L3MBTL4: variants seen among roughly 807,000 people sequenced by gnomAD.
L3MBTL4 encodes the protein lethal(3)malignant brain tumor-like protein 4.
A neutral mutation model predicts 84.5 loss-of-function variants in L3MBTL4; 70 were observed. That is an observed-to-expected ratio of 0.83 (90% CI 0.68 to 1.01). The LOEUF (loss-of-function observed/expected upper bound fraction) is 1.01, where lower values mean the gene tolerates loss of function less well. Among genes scored for constraint, L3MBTL4 ranks in the 50% least tolerant of loss-of-function variants. L3MBTL4 has a pLI of 0.00. For missense variants in L3MBTL4, 715 were observed against 754.8 expected (o/e 0.95, Z 0.62); for synonymous variants, 274 against 259.8 (o/e 1.05, Z -0.52).
intron 1 of L3MBTL4, chr18:6,399,814 AT>A (rs2055437947): frequency 6.6e-6 from 1 of 152,214 alleles, no homozygotes; most frequent in South Asian, 2.1e-4. Context: ...TTCCCAAACC[AT>A]TTCTTCTATT....
intron 5 of L3MBTL4, among the ~76,000 whole-genome samples, chr18:6,254,438 C>A (rs1393041697): frequency 8.5e-6 from 1 of 118,154 alleles, no homozygotes; most frequent in Non-Finnish European, 1.7e-5. Context: ...TTTTTTTTGC[C>A]ATCTATTTGT....
Position 6,269,387 on chromosome 18 carries a change from GGA to G in L3MBTL4, c.128-5351_128-5350del, listed in dbSNP as rs573600684. On this transcript the variant is annotated intron_variant, in intron 4 of 18. Transcript: ENST00000317931. ...CAGGAGAATGGCGTGAACCCGGGAA[GGA>G]GAGTGTACAGTGAGCCAAGATCGCA... Among the ~76,000 whole-genome samples, 99 of 152,250 alleles carry G rather than the reference GGA, an allele frequency of 6.5e-4. No homozygotes were observed. In the South Asian group the frequency reaches 6.6e-3, roughly 10 times the overall value.
In L3MBTL4 at chr18:6,131,424, A is replaced by G. The variant is rs144180874; in HGVS notation, c.1199+6770T>C. On this transcript the variant is annotated intron_variant, in intron 14 of 18. Transcript: ENST00000317931. ...TTTATTCTTCTTTTTCTTAAATATA[A>G]GAATATTTGTCTGAGAATCTTCTGG... is the stretch of plus-strand genomic sequence containing the variant. 5.0e-3 allele frequency among the ~76,000 whole-genome samples: 756 copies of G among 152,276 alleles called. 8 individuals carry two copies. Among genetic ancestry groups the G allele is most frequent in the African/African-American group, 0.017 (716 of 41,556 alleles).
At chr18:6,247,205 GTTA>G (rs1180934861) in intron 5 of L3MBTL4, among the ~76,000 whole-genome samples, 1 of 151,986 alleles carries the variant, frequency 6.6e-6, no homozygotes, top group African/African-American at 2.4e-5. Flanking sequence ...CCATAACTCA[GTTA>G]TTAACTGTAA....
chr18:6,278,491 A>G (rs2049183368), intron 4 of L3MBTL4, among the ~76,000 whole-genome samples: 1 of 152,172 alleles, frequency 6.6e-6, no homozygotes, highest in African/African-American at 2.4e-5. Flanking sequence ...GCTGGATTAT[A>G]TTTGCCAATA....
At chr18:6,190,216 A>G (rs536739365) in intron 12 of L3MBTL4, among the ~76,000 whole-genome samples, 1 of 152,336 alleles carries the variant, frequency 6.6e-6, no homozygotes, top group East Asian at 1.9e-4. Context: ...TCCATTAATA[A>G]GAACAGGCAA....
chr18:6,053,613 C>G (rs908261929), intron 16 of L3MBTL4, among the ~76,000 whole-genome samples: 2 of 152,190 alleles, frequency 1.3e-5, no homozygotes, highest in African/African-American at 4.8e-5. Flanking sequence ...TACTTGTAGC[C>G]AAGGATAGTT....
intron 16 of L3MBTL4, among the ~76,000 whole-genome samples, chr18:6,017,458 A>G (rs1414502401): frequency 6.6e-6 from 1 of 152,270 alleles, no homozygotes; most frequent in Non-Finnish European, 1.5e-5. Flanking sequence ...ATTTTAAATT[A>G]TAAATACATA....
chr18:6,185,994 A>AT (rs113776309), intron 12 of L3MBTL4, among the ~76,000 whole-genome samples: 20 of 145,992 alleles, frequency 1.4e-4, no homozygotes, highest in African/African-American at 5.1e-4. Context: ...ATTTTATTTT[A>AT]TTATTTTATA....
intron 1 of L3MBTL4, among the ~76,000 whole-genome samples, chr18:6,334,376 C>G (rs1019764774): frequency 9.2e-5 from 14 of 152,102 alleles, no homozygotes; most frequent in African/African-American, 3.4e-4. Flanking sequence ...GGGTGATACT[C>G]TACAGGAAAA....
intron 5 of L3MBTL4, among the ~76,000 whole-genome samples, chr18:6,255,351 T>TG (rs1258061644): frequency 3.9e-4 from 59 of 152,358 alleles, no homozygotes; most frequent in African/African-American, 1.3e-3. Context: ...TCTGACTGTC[T>TG]GGTTCCAGAC....
intron 13 of L3MBTL4, among the ~76,000 whole-genome samples, chr18:6,167,391 C>A (rs2043727209): frequency 6.6e-6 from 1 of 152,138 alleles, no homozygotes; most frequent in Admixed American, 6.5e-5. Flanking sequence ...GAATTTTAGA[C>A]CAATATCCTT....
chr18:6,112,256 G>C (rs531621455), intron 14 of L3MBTL4, among the ~76,000 whole-genome samples: 1 of 152,082 alleles, frequency 6.6e-6, no homozygotes, highest in Admixed American at 6.6e-5. Context: ...TAAAATTATA[G>C]ACTTTTAAAC....
chr18:6,039,551 T>C (rs1200358149), intron 16 of L3MBTL4, among the ~76,000 whole-genome samples: 1 of 151,686 alleles, frequency 6.6e-6, no homozygotes, highest in Non-Finnish European at 1.5e-5. Flanking sequence ...ATATTTCTCT[T>C]ATTTGGAGTT....
intron 16 of L3MBTL4, among the ~76,000 whole-genome samples, chr18:5,975,568 C>T (rs1378756358): frequency 6.6e-6 from 1 of 152,240 alleles, no homozygotes; most frequent in Admixed American, 6.5e-5. Context: ...CCACGATCAC[C>T]TGTTCTCATG....
intron 16 of L3MBTL4, chr18:6,029,760 G>C (rs2145588723): frequency 1.0e-6 from 1 of 985,144 alleles, no homozygotes; most frequent in Non-Finnish European, 1.2e-6. Context: ...CAACTGGAAT[G>C]GAAAAAAGTT....
At chr18:6,252,483 A>G (rs2047965989) in intron 5 of L3MBTL4, among the ~76,000 whole-genome samples, 2 of 152,196 alleles carry the variant, frequency 1.3e-5, no homozygotes, top group Non-Finnish European at 1.5e-5. Flanking sequence ...CTACATATAT[A>G]CAGATCTGGA....
At chr18:6,228,040 G>A (rs190813577) in intron 10 of L3MBTL4, among the ~76,000 whole-genome samples, 5 of 152,266 alleles carry the variant, frequency 3.3e-5, no homozygotes, top group Admixed American at 2.6e-4. Flanking sequence ...AGCTATATAA[G>A]CTTGACAACG....
At chr18:6,019,974 C>T (rs534359534) in intron 16 of L3MBTL4, among the ~76,000 whole-genome samples, 27 of 152,282 alleles carry the variant, frequency 1.8e-4, no homozygotes, top group African/African-American at 6.3e-4. Flanking sequence ...ATCATTTATT[C>T]GGAAGTGTCT....
Sources: allele counts gnomAD v4.1 joint callset (sites outside exome capture counted in the v4.1 genomes callset), GRCh38; gene constraint gnomAD v4.1.1; transcripts MANE v1.5; gene names NCBI Gene and HGNC (gene_info 2026-07-23, HGNC 2026-07-21).